The following FLNB variants were observed in gnomAD, a reference collection of about 807,000 sequenced individuals.
The protein encoded by FLNB is filamin-B.
A neutral mutation model predicts 250.6 loss-of-function variants in FLNB; 111 were observed. That is an observed-to-expected ratio of 0.44 (90% CI 0.38 to 0.52). The LOEUF is 0.52. FLNB is among the 20% of genes least tolerant of loss of function. The pLI is 0.00. For missense variants in FLNB, 2,869 were observed against 3,447.8 expected, an observed-to-expected ratio of 0.83 and a Z score of 4.20; for synonymous variants, 1,302 against 1,372.1, an observed-to-expected ratio of 0.95 and a Z score of 1.13.
chr3:58,025,575 G>A (rs920252002), intron 1 of FLNB, among the ~76,000 whole-genome samples: 1 of 152,166 alleles, frequency 6.6e-6, no homozygotes, highest in South Asian at 2.1e-4. Context: ...GTAGCTAGCT[G>A]GCTGACACCA....
chr3:58,078,676 GT>G, intron 2 of FLNB, 40 bp from the exon 3 acceptor site: 2 of 1,579,606 alleles, frequency 1.3e-6, no homozygotes, highest in African/African-American at 2.7e-5. Context: ...AATCTCTTTG[GT>G]CAGCTAATGC....
intron 1 of FLNB, among the ~76,000 whole-genome samples, chr3:58,041,295 C>T (rs1477978884): frequency 4.6e-5 from 7 of 152,192 alleles, no homozygotes; most frequent in Non-Finnish European, 4.4e-5. Context: ...CCAGATTATT[C>T]CCATTTATGA....
chr3:58,073,149 CTATTTATT>C (rs55987295), intron 1 of FLNB, among the ~76,000 whole-genome samples: 86 of 145,728 alleles, frequency 5.9e-4, no homozygotes, highest in Non-Finnish European at 7.6e-4. Flanking sequence ...AGTATACCCA[CTATTTATT>C]TATTTATTTA....
At position 58,142,682 on chromosome 3, in the gene FLNB, C is replaced by A. The variant is rs752921490; in HGVS notation, c.5214C>A (p.Asp1738Glu). ...AAGAGGCCTATGTCCCAGTGAGTGA[C>A]ATGAACGGCCTGGGATTTAAGCCTT... is the stretch of plus-strand genomic sequence containing the variant. ...VTEEAYVPVS[D>E]MNGLGFKPFD... Residue 1738 changes from aspartate (D) to glutamate (E), a missense_variant, in exon 31 of 46, where the codon GAC becomes GAA. Physicochemically the swap from Asp to Glu is conservative, Grantham distance 45. Transcript: ENST00000295956. The surrounding 1 kb of genome is among the most constrained non-coding windows in gnomAD (Gnocchi z 4.3). 4 of 1,614,206 alleles carry A rather than the reference C, an allele frequency of 2.5e-6. No individual in the cohort carries two copies. The Admixed American group carries it at 6.7e-5, about 27-fold the overall frequency.
chr3:58,108,397 T>G (rs964698929), intron 12 of FLNB, 61 bp from the exon 13 acceptor site: 128 of 1,074,756 alleles, frequency 1.2e-4, no homozygotes, highest in Non-Finnish European at 1.7e-4. Flanking sequence ...TACCTGTCTT[T>G]GTATAAGGGT....
Position 58,172,086 on chromosome 3 carries a change from C to T in FLNB, c.*1324C>T, listed in dbSNP as rs1010872284. On this transcript the variant is annotated 3_prime_UTR_variant, in exon 46 of 46. Coordinates refer to ENST00000295956, the MANE Select transcript of FLNB (RefSeq NM_001457.4). ...CTTGTGGCAGGTGTAGTATCTGGGG[C>T]GAGTGTTGGGGGTAAAAGCCCACCC... 2 of 151,964 alleles carry T rather than the reference C, an allele frequency of 1.3e-5. No individual in the cohort carries two copies. The highest frequency in any genetic ancestry group is 2.1e-4 in the South Asian group (1 of 4,790). The allele number at this position is 151,964 out of a possible 1,614,324, so 9.4% of individuals were successfully genotyped here.
At chr3:58,008,896 C>T in intron 1 of FLNB, 40 bp downstream of exon 1, 2 of 1,610,618 alleles carry the variant, frequency 1.2e-6, no homozygotes, top group Middle Eastern at 1.7e-4. Flanking sequence ...ACTGTGGTGC[C>T]GACCCGCCCC....
intron 3 of FLNB, among the ~76,000 whole-genome samples, chr3:58,079,123 C>G (rs1171833918): frequency 6.6e-6 from 1 of 152,124 alleles, no homozygotes; most frequent in East Asian, 1.9e-4. Flanking sequence ...TACCTTTAAA[C>G]CCCAGACTAC....
intron 43 of FLNB, chr3:58,165,137 A>G: frequency 6.6e-6 from 1 of 152,482 alleles, no homozygotes; most frequent in Non-Finnish European, 1.5e-5. Flanking sequence ...GGCAGGCTTC[A>G]GGCCAGGCCT....
Position 58,096,188 on chromosome 3 carries a change from G to A in FLNB, c.954G>A (p.Glu318=), listed in dbSNP as rs1437830945. ...DSDKNKTYSV[E]YLPKVTGLHK... ...ACAAGAACAAGACATACTCTGTGGA[G>A]TATCTGCCCAAGGTCACCGGGCTAC... The change falls in exon 6 of 46, where the codon GAG becomes GAA. Residue 318 remains glutamate (E), a synonymous_variant. Transcript: ENST00000295956. 1 of 1,614,068 alleles carries A rather than the reference G, an allele frequency of 6.2e-7. No homozygotes were observed. The highest frequency in any genetic ancestry group is 8.5e-7 in the Non-Finnish European group (1 of 1,179,924).
At position 58,071,405 on chromosome 3, in the gene FLNB, A is replaced by G. The variant is rs1054018172; in HGVS notation, c.293-5641A>G. Reference sequence around the variant, plus strand: ...GCGATTCTTGTGCTTCAGCCACCCAAGTAGCTGGGATTACAGGCACACACC... The same window carrying G: ...GCGATTCTTGTGCTTCAGCCACCCAGGTAGCTGGGATTACAGGCACACACC... On this transcript the variant is annotated intron_variant, in intron 1 of 45. Transcript: ENST00000295956. 2.0e-5 allele frequency among the ~76,000 whole-genome samples: 3 copies of G among 151,174 alleles called. No individual in the cohort carries two copies. In the South Asian group the frequency reaches 6.3e-4, roughly 32 times the overall value.
intron 1 of FLNB, among the ~76,000 whole-genome samples, chr3:58,038,935 G>A (rs540859900): frequency 6.6e-6 from 1 of 151,906 alleles, no homozygotes; most frequent in Non-Finnish European, 1.5e-5. Context: ...ACTCTCAAAA[G>A]CAACAATTGG....
Position 58,143,548 on chromosome 3 carries a change from G to C in FLNB, c.5360G>C (p.Arg1787Thr), listed in dbSNP as rs1490706102. 6 of 1,614,106 alleles carry C rather than the reference G, an allele frequency of 3.7e-6. No homozygotes were observed. In the African/African-American group the frequency reaches 8.0e-5, roughly 22 times the overall value. Residue 1787 changes from arginine to threonine, a missense_variant, in exon 32 of 46, where the codon AGA becomes ACA. By Grantham distance (71) the Arg-to-Thr change is moderately conservative. Coordinates refer to ENST00000295956, the MANE Select transcript of FLNB (RefSeq NM_001457.4). ...VDNKDGTVTVRYAPTEVGLHE... is the reference protein window; with the variant it reads ...VDNKDGTVTVTYAPTEVGLHE... ...AACAAGGACGGCACGGTCACTGTTA[G>C]ATATGCCCCCACTGAGGTCGGGCTC...
chr3:58,160,458 G>T (rs568266085), intron 42 of FLNB, among the ~76,000 whole-genome samples: 1 of 152,148 alleles, frequency 6.6e-6, no homozygotes, highest in Non-Finnish European at 1.5e-5. Flanking sequence ...TTTAGTGAAG[G>T]CCTGGCCAAA....
intron 6 of FLNB, among the ~76,000 whole-genome samples, chr3:58,096,747 T>C (rs528611923): frequency 1.3e-5 from 2 of 152,232 alleles, no homozygotes; most frequent in South Asian, 2.1e-4. Context: ...GACCTCAAAC[T>C]ATCCTCCTGC....
intron 6 of FLNB, among the ~76,000 whole-genome samples, chr3:58,097,336 A>C (rs2097240683): frequency 6.6e-6 from 1 of 152,166 alleles, no homozygotes; most frequent in African/African-American, 2.4e-5. Flanking sequence ...TACCCCCCAA[A>C]AATTTCAGAG....
rs750624620 is a variant in FLNB at position 58,126,631 on chromosome 3, C to T, written c.4091C>T (p.Thr1364Ile). Residue 1364 changes from threonine to isoleucine, a missense_variant, in exon 24 of 46, where the codon ACT becomes ATT. By Grantham distance (89) the Thr-to-Ile change is moderately conservative (BLOSUM62 -1). Around this residue, in one of 5 missense-constraint regions of FLNB, gnomAD observed 1,348 missense variants for 1,466.7 expected, o/e 0.92. Coordinates refer to ENST00000295956, the MANE Select transcript of FLNB (RefSeq NM_001457.4). ...GCAGGAATTGGTGGGCTTGGCATAA[C>T]TGTTGAGGGACCATCAGAGTCGAAG... ...RGAGIGGLGI[T>I]VEGPSESKIN... 6.2e-7 allele frequency: 1 copy of T among 1,614,078 alleles called. No homozygotes were observed. The highest frequency in any genetic ancestry group is 1.1e-5 in the South Asian group (1 of 91,080).
chr3:58,130,084 C>T (rs185618225), intron 24 of FLNB, among the ~76,000 whole-genome samples: 194 of 152,236 alleles, frequency 1.3e-3, no homozygotes, highest in African/African-American at 4.5e-3. Context: ...ACCAGGTGGC[C>T]GAGTGACCGA....
In FLNB at chr3:58,169,817, G is replaced by T; in HGVS notation, c.7621+24G>T. The T allele has an allele frequency of 6.6e-7, 1 of 1,518,964 alleles. No individual in the cohort carries two copies. The highest frequency in any genetic ancestry group is 9.1e-7 in the Non-Finnish European group (1 of 1,099,310). 94.1% of individuals were successfully genotyped at this position (1,518,964 alleles called of 1,614,324 possible). On this transcript the variant is annotated intron_variant, in intron 45 of 45. Transcript: ENST00000295956. This position sits in a 1 kb window ranked among gnomAD's most constrained non-coding sequence, Gnocchi z 4.8. ...TGGTAGGTGTCTGGGCCTTTTCAAG[G>T]GTGGGGTGGGGCAGGGGCAGGCTGG...
Sources: allele counts gnomAD v4.1 joint callset (sites outside exome capture counted in the v4.1 genomes callset), GRCh38; gene constraint gnomAD v4.1.1; regional missense constraint gnomAD v4.1.1; non-coding constraint Gnocchi (gnomAD v3.1); transcripts MANE v1.5; gene names NCBI Gene and HGNC (gene_info 2026-07-23, HGNC 2026-07-21).